Variants in LEKR1 observed in about 807,000 individuals in gnomAD.
The protein encoded by LEKR1 is protein LEKR1.
Under a neutral mutation model 72.4 loss-of-function variants are expected in LEKR1, and 59 were observed. The ratio of observed to expected loss-of-function variants is 0.82; its 90% confidence interval spans 0.66 to 1.01. The LOEUF is 1.01. LEKR1 is among the 50% of genes least tolerant of loss of function. The pLI is 0.00. For missense variants in LEKR1, 728 were observed against 759.2 expected, an observed-to-expected ratio of 0.96 and a Z score of 0.48; for synonymous variants, 257 against 263.2, an observed-to-expected ratio of 0.98 and a Z score of 0.23.
chr3:156,930,685 A>G (rs754792524), intron 5 of LEKR1, among the ~76,000 whole-genome samples: 2 of 152,184 alleles, frequency 1.3e-5, no homozygotes, highest in Admixed American at 1.3e-4. Context: ...AGATTTATAC[A>G]GTAATCAAAT....
chr3:156,925,733 C>T (rs909894574), intron 4 of LEKR1, among the ~76,000 whole-genome samples: 1 of 151,906 alleles, frequency 6.6e-6, no homozygotes, highest in Admixed American at 6.6e-5. Flanking sequence ...TTTTTCCTCT[C>T]TCTCACTTTT....
At chr3:156,857,449 G>A (rs1716209278) in intron 3 of LEKR1, among the ~76,000 whole-genome samples, 1 of 152,076 alleles carries the variant, frequency 6.6e-6, no homozygotes, top group Non-Finnish European at 1.5e-5. Context: ...GCCATAAATA[G>A]AAGATTTAAA....
intron 10 of LEKR1, among the ~76,000 whole-genome samples, chr3:157,014,297 T>C (rs1733135771): frequency 6.6e-6 from 1 of 152,070 alleles, no homozygotes; most frequent in Non-Finnish European, 1.5e-5. Flanking sequence ...AATGACCTCA[T>C]TTAAAATAGT....
At chr3:156,888,149 G>T (rs1415103530) in intron 3 of LEKR1, 1 of 593,078 alleles carries the variant, frequency 1.7e-6, no homozygotes. Context: ...GCGTAGGAGG[G>T]CTCAAAGAAG....
At chr3:156,923,457 T>C (rs1724403452) in intron 4 of LEKR1, among the ~76,000 whole-genome samples, 1 of 152,252 alleles carries the variant, frequency 6.6e-6, no homozygotes, top group Non-Finnish European at 1.5e-5. Context: ...TGGCTTTTAC[T>C]AATTATGTTT....
chr3:156,909,142 T>C (rs1354823903), intron 3 of LEKR1, among the ~76,000 whole-genome samples: 5 of 152,222 alleles, frequency 3.3e-5, no homozygotes, highest in Admixed American at 6.5e-5. Context: ...TGCCTTCATC[T>C]TCCACTATGA....
chr3:156,972,330 C>T (rs567675329), intron 6 of LEKR1, among the ~76,000 whole-genome samples: 5 of 146,342 alleles, frequency 3.4e-5, no homozygotes, highest in African/African-American at 7.6e-5. Flanking sequence ...ATCACACACA[C>T]GGGGGCCTGT....
intron 3 of LEKR1, among the ~76,000 whole-genome samples, chr3:156,887,012 T>A (rs1016838626): frequency 2.0e-5 from 3 of 152,220 alleles, no homozygotes; most frequent in African/African-American, 7.2e-5. Context: ...ATTAGCTGTG[T>A]CTCCTACCTG....
chr3:157,012,944 T>C (rs1482259314), intron 10 of LEKR1, among the ~76,000 whole-genome samples: 1 of 152,104 alleles, frequency 6.6e-6, no homozygotes, highest in Non-Finnish European at 1.5e-5. Flanking sequence ...CTATTTTGTA[T>C]AATCCAAAAT....
At chr3:156,941,418 GCT>G (rs1726189075) in intron 5 of LEKR1, among the ~76,000 whole-genome samples, 1 of 151,894 alleles carries the variant, frequency 6.6e-6, no homozygotes, top group Non-Finnish European at 1.5e-5. Flanking sequence ...CTCTGTTCTA[GCT>G]CTCTGCTTTA....
intron 7 of LEKR1, among the ~76,000 whole-genome samples, chr3:156,987,452 C>T (rs1730789873): frequency 6.6e-6 from 1 of 152,138 alleles, no homozygotes; most frequent in Admixed American, 6.5e-5. Context: ...GTGTACATAA[C>T]AGTCTGAACA....
At chr3:156,923,526 C>T (rs2108573879) in intron 4 of LEKR1, among the ~76,000 whole-genome samples, 1 of 152,254 alleles carries the variant, frequency 6.6e-6, no homozygotes, top group African/African-American at 2.4e-5. Flanking sequence ...TATTGCTGAA[C>T]AGTATTCCAC....
intron 7 of LEKR1, among the ~76,000 whole-genome samples, chr3:156,985,721 G>C (rs1157007890): frequency 6.6e-6 from 1 of 151,784 alleles, no homozygotes; most frequent in Non-Finnish European, 1.5e-5. Context: ...TGTAATTCCA[G>C]CTACTCAGGA....
chr3:156,980,194 C>T (rs1730061354), intron 7 of LEKR1, among the ~76,000 whole-genome samples: 1 of 151,786 alleles, frequency 6.6e-6, no homozygotes, highest in Non-Finnish European at 1.5e-5. Context: ...GAGGATGAAC[C>T]TCATAAAAAC....
intron 3 of LEKR1, among the ~76,000 whole-genome samples, chr3:156,883,960 G>T (rs1719773499): frequency 6.6e-6 from 1 of 152,092 alleles, no homozygotes; most frequent in Admixed American, 6.6e-5. Context: ...GGGAGTTCCA[G>T]TGTTAGGTAC....
chr3:156,836,812 AG>A (rs1359967618), intron 2 of LEKR1, among the ~76,000 whole-genome samples: 1 of 152,220 alleles, frequency 6.6e-6, no homozygotes, highest in Non-Finnish European at 1.5e-5. Flanking sequence ...AAATGGCAAA[AG>A]TCCCACAAGT....
At chr3:157,037,296 A>G (rs1169547400) in intron 12 of LEKR1, among the ~76,000 whole-genome samples, 1 of 152,152 alleles carries the variant, frequency 6.6e-6, no homozygotes, top group Non-Finnish European at 1.5e-5. Context: ...TTTCATTGTG[A>G]GTTTTAGTAT....
At chr3:156,920,953 A>T (rs930451442) in intron 4 of LEKR1, 1 of 212,166 alleles carries the variant, frequency 4.7e-6, no homozygotes, top group Non-Finnish European at 9.2e-6. Context: ...ATTTAGAATG[A>T]AAGCACGGTA....
At chr3:156,992,297 A>C (rs1197830560) in intron 7 of LEKR1, among the ~76,000 whole-genome samples, 1 of 152,126 alleles carries the variant, frequency 6.6e-6, no homozygotes, top group East Asian at 1.9e-4. Context: ...GCTTAAAATT[A>C]TTTTTAATAG....
Sources: allele counts gnomAD v4.1 joint callset (sites outside exome capture counted in the v4.1 genomes callset), GRCh38; gene constraint gnomAD v4.1.1; transcripts MANE v1.5; gene names NCBI Gene and HGNC (gene_info 2026-07-23, HGNC 2026-07-21).